B3GAT1: variants seen among roughly 807,000 people sequenced by gnomAD.
B3GAT1 encodes beta-1,3-glucuronyltransferase 1.
B3GAT1 carries 11 observed loss-of-function variants against 28.4 expected under a neutral mutation model. The ratio of observed to expected loss-of-function variants is 0.39; its 90% confidence interval spans 0.24 to 0.64. The LOEUF (loss-of-function observed/expected upper bound fraction) is 0.64. Among genes scored for constraint, B3GAT1 ranks in the 30% least tolerant of loss-of-function variants. The pLI, the probability that B3GAT1 is intolerant of heterozygous loss-of-function variation, is 0.50. For missense variants in B3GAT1, 375 were observed against 491.0 expected, an observed-to-expected ratio of 0.76 and a Z score of 2.23; for synonymous variants, 255 against 223.1, an observed-to-expected ratio of 1.14 and a Z score of -1.27.
chr11:134,396,756 C>A (rs1008625155), intron 1 of B3GAT1, among the ~76,000 whole-genome samples: 5 of 152,200 alleles, frequency 3.3e-5, no homozygotes, highest in African/African-American at 1.2e-4. Flanking sequence ...CTGCCTCCTT[C>A]CAACCAAACT....
At chr11:134,403,926 G>T (rs983546228) in intron 1 of B3GAT1, among the ~76,000 whole-genome samples, 12 of 146,118 alleles carry the variant, frequency 8.2e-5, no homozygotes, top group Non-Finnish European at 1.5e-4. Context: ...GGTGGCTTGT[G>T]GGGGCTGGGA....
chr11:134,404,979 T>C lies in B3GAT1; in HGVS notation c.-282+6828A>G, dbSNP rs574953455. Among the ~76,000 whole-genome samples, 335 of 152,272 alleles carry C rather than the reference T, an allele frequency of 2.2e-3. 2 individuals are homozygous for C. Among genetic ancestry groups the C allele is most frequent in the Non-Finnish European group, 4.0e-3 (272 of 68,024 alleles). ...GTGTGGGTGCAACTGGCCGGTCCCT[T>C]GGCCTCTCTGGGCTCAGTGTCCTCC... On this transcript the variant is annotated intron_variant, in intron 1 of 5. Coordinates refer to ENST00000312527, the MANE Select transcript of B3GAT1 (RefSeq NM_054025.3).
chr11:134,411,269 T>C lies in B3GAT1; in HGVS notation c.-282+538A>G, dbSNP rs938387045. 6.6e-6 allele frequency among the ~76,000 whole-genome samples: 1 copy of C among 152,184 alleles called. No individual in the cohort carries two copies. Among genetic ancestry groups the C allele is most frequent in the African/African-American group, 2.4e-5 (1 of 41,454 alleles). On this transcript the variant is annotated intron_variant, in intron 1 of 5. Transcript: ENST00000312527. This position sits in a 1 kb window ranked among gnomAD's most constrained non-coding sequence, Gnocchi z 6.0. Reference sequence around the variant, plus strand: ...CTGGTCGCGCCTCCTTCCTCCTTGCTACACCGAAGGTCCCAAGGGCCCTTT... The same window carrying C: ...CTGGTCGCGCCTCCTTCCTCCTTGCCACACCGAAGGTCCCAAGGGCCCTTT...
At position 134,382,759 on chromosome 11, in the gene B3GAT1, T is replaced by C; in HGVS notation, c.869A>G (p.Glu290Gly). ...GGYQESSLLR[E>G]LVTLNDLEPK... ...CTCCAGGTCGTTGAGGGTGACAAGT[T>C]CTCGAAGGAGGCTGCTTTCCTGGTA... The change falls in exon 4 of 6, where the codon GAA becomes GGA. Residue 290 changes from glutamate (E) to glycine (G), a missense_variant. Transcript: ENST00000312527. 2 of 1,614,124 alleles carry C rather than the reference T, an allele frequency of 1.2e-6. No individual in the cohort carries two copies. Among genetic ancestry groups the C allele is most frequent in the Non-Finnish European group, 1.7e-6 (2 of 1,179,992 alleles).
At chr11:134,386,208 CTTGGTA>C (rs1467882839) in intron 2 of B3GAT1, 1 of 152,196 alleles carries the variant, frequency 6.6e-6, no homozygotes, top group Non-Finnish European at 1.5e-5. Flanking sequence ...GTTTGCAGGA[CTTGGTA>C]TTTGACTGTG....
At position 134,383,909 on chromosome 11, in the gene B3GAT1, G is replaced by GCGGTCAGCGGCGTC; in HGVS notation, c.378_391dup (p.Ala131GlyfsTer4). On this transcript the variant is annotated stop_gained and frameshift_variant, in exon 3 of 6. Transcript: ENST00000312527. LOFTEE classifies it high-confidence loss of function. ...GAGGCCGGTGTCGCGCAGCAGGCGC[G>GCGGTCAGCGGCGTC]CGGTCAGCGGCGTCCGGCGCGGCGC... 1 of 1,595,252 alleles carries GCGGTCAGCGGCGTC rather than the reference G, an allele frequency of 6.3e-7. No homozygotes were observed. The highest frequency in any genetic ancestry group is 8.5e-7 in the Non-Finnish European group (1 of 1,175,512).
At chr11:134,399,479 G>C (rs1240583502) in intron 1 of B3GAT1, among the ~76,000 whole-genome samples, 1 of 152,208 alleles carries the variant, frequency 6.6e-6, no homozygotes, top group Non-Finnish European at 1.5e-5. Context: ...GGCCCGTAGG[G>C]CCCCAGAGTG....
chr11:134,404,023 ATATATATT>A (rs1291834583), intron 1 of B3GAT1, among the ~76,000 whole-genome samples: 27 of 112,426 alleles, frequency 2.4e-4, no homozygotes, highest in African/African-American at 7.8e-4. Flanking sequence ...ATATATATAT[ATATATATT>A]TATTATACGT....
At chr11:134,395,159 C>A (rs1944479702) in intron 1 of B3GAT1, among the ~76,000 whole-genome samples, 1 of 152,076 alleles carries the variant, frequency 6.6e-6, no homozygotes, top group African/African-American at 2.4e-5. Flanking sequence ...AGAATTGGGG[C>A]TTCACCGTGT....
chr11:134,398,304 G>C (rs1944543946), intron 1 of B3GAT1, among the ~76,000 whole-genome samples: 1 of 152,184 alleles, frequency 6.6e-6, no homozygotes, highest in Admixed American at 6.5e-5. Context: ...TTGGGTCCCT[G>C]TTCAAATAAG....
At chr11:134,386,272 T>C (rs890593999) in intron 2 of B3GAT1, 1 of 152,230 alleles carries the variant, frequency 6.6e-6, no homozygotes, top group Non-Finnish European at 1.5e-5. Context: ...TGCCTGCATC[T>C]TGGGGTTACA....
At position 134,379,947 on chromosome 11, in the gene B3GAT1, G is replaced by C. The variant is rs1944087575; in HGVS notation, c.*815C>G. 6.5e-6 allele frequency: 1 copy of C among 152,920 alleles called. No individual in the cohort carries two copies. Among genetic ancestry groups the C allele is most frequent in the Non-Finnish European group, 1.5e-5 (1 of 68,268 alleles). 9.5% of individuals were successfully genotyped at this position (152,920 alleles called of 1,614,324 possible). Reference sequence around the variant, plus strand: ...GCGGTGGGGAGGCAGTGTGTGGACAGTGGGGCCGTGGGGTTCTTAGTCCAG... The same window carrying C: ...GCGGTGGGGAGGCAGTGTGTGGACACTGGGGCCGTGGGGTTCTTAGTCCAG... On this transcript the variant is annotated 3_prime_UTR_variant, in exon 6 of 6. Coordinates refer to ENST00000312527, the MANE Select transcript of B3GAT1 (RefSeq NM_054025.3).
chr11:134,386,151 A>T (rs192571121), intron 2 of B3GAT1: 17 of 152,338 alleles, frequency 1.1e-4, no homozygotes, highest in African/African-American at 3.8e-4. Context: ...GGCTGCCGCA[A>T]TGTTGAGCTT....
rs1031806206 is a variant in B3GAT1, at chr11:134,387,960, C to T, written c.-281-20G>A. 8 of 1,122,652 alleles carry T rather than the reference C, an allele frequency of 7.1e-6. No homozygotes were observed. Among genetic ancestry groups the T allele is most frequent in the African/African-American group, 6.2e-5 (4 of 64,400 alleles). 69.5% of individuals were successfully genotyped at this position (1,122,652 alleles called of 1,614,324 possible). Reference sequence around the variant, plus strand: ...GGACACCTGCAAGAGAGAGCAGAAGCGGATAGCCAGAGACCCAGGTATAGG... The same window carrying T: ...GGACACCTGCAAGAGAGAGCAGAAGTGGATAGCCAGAGACCCAGGTATAGG... On this transcript the variant is annotated intron_variant, in intron 1 of 5. Transcript: ENST00000312527.
intron 1 of B3GAT1, among the ~76,000 whole-genome samples, chr11:134,407,145 C>T (rs892715324): frequency 6.6e-5 from 10 of 152,212 alleles, no homozygotes; most frequent in Admixed American, 1.3e-4. Flanking sequence ...AGGGTGGGGA[C>T]GGATGCAGCC....
intron 2 of B3GAT1, 140 bp downstream of exon 2, chr11:134,387,408 A>C (rs1944314256): frequency 1.8e-6 from 2 of 1,142,150 alleles, no homozygotes; most frequent in African/African-American, 1.5e-5. Context: ...AAAGGGGTGC[A>C]AGACTCATGA....
chr11:134,388,795 T>G (rs1047607755), intron 1 of B3GAT1: 8 of 152,250 alleles, frequency 5.3e-5, no homozygotes, highest in African/African-American at 1.7e-4. Context: ...TTTGTCCTTT[T>G]TTATGGCTGT....
At chr11:134,401,760 G>A (rs1463369933) in intron 1 of B3GAT1, among the ~76,000 whole-genome samples, 2 of 152,124 alleles carry the variant, frequency 1.3e-5, no homozygotes, top group Non-Finnish European at 2.9e-5. Flanking sequence ...TTAAAAAAAA[G>A]TAAAACTCAG....
At chr11:134,397,724 T>C (rs928345749) in intron 1 of B3GAT1, among the ~76,000 whole-genome samples, 5 of 152,216 alleles carry the variant, frequency 3.3e-5, no homozygotes, top group South Asian at 2.1e-4. Context: ...GGCCTGGCCA[T>C]TGCAAACCAG....
Sources: gnomAD v4.1 joint callset for allele counts (sites outside exome capture counted in the v4.1 genomes callset) on GRCh38, gnomAD v4.1.1 for gene constraint, Gnocchi (gnomAD v3.1) non-coding constraint, MANE v1.5 for transcripts, NCBI Gene and HGNC (gene_info 2026-07-23, HGNC 2026-07-21) for gene names.